The following PBX3 variants were observed in gnomAD, a reference collection of about 807,000 sequenced individuals.
PBX3 encodes PBX homeobox 3, also known as pre-B-cell leukemia transcription factor 3.
PBX3 carries 14 observed loss-of-function variants against 48.5 expected under a neutral mutation model. That is an observed-to-expected ratio of 0.29 (90% CI 0.19 to 0.45). PBX3 has a LOEUF of 0.45. PBX3 is among the 20% of genes least tolerant of loss of function. PBX3 has a pLI of 1.00. For synonymous variants in PBX3, 210 were observed against 200.3 expected (o/e 1.05, Z -0.41); for missense variants, 386 against 546.7 (o/e 0.71, Z 2.93).
At position 125,779,689 on chromosome 9, in the gene PBX3, T is replaced by C. The variant is rs1289351259; in HGVS notation, c.274+31066T>C. On this transcript the variant is annotated intron_variant, in intron 2 of 8. Transcript: ENST00000373489. ...TACACAGACACAGCAACCATCCGAT[T>C]TCTCAATCTTTTCCCCACCTTTTCC... 2.1e-5 allele frequency among the ~76,000 whole-genome samples: 3 copies of C among 141,566 alleles called. No individual in the cohort carries two copies. The South Asian group carries it at 6.8e-4, about 32-fold the overall frequency. 92.9% of individuals were successfully genotyped at this position (141,566 alleles called of 152,430 possible).
intron 2 of PBX3, among the ~76,000 whole-genome samples, chr9:125,791,074 C>T (rs535498595): frequency 6.6e-6 from 1 of 152,224 alleles, no homozygotes; most frequent in South Asian, 2.1e-4. Context: ...GCCACTACGC[C>T]TGGCTAATTT....
Position 125,798,191 on chromosome 9 carries a change from A to C in PBX3, c.274+49568A>C, listed in dbSNP as rs529348832. On this transcript the variant is annotated intron_variant, in intron 2 of 8. Transcript: ENST00000373489. ...AGGTACAAAGTTCACAGTAATTCTC[A>C]GATAGCTTAGTAATTACCCAGACAG... 5.3e-5 allele frequency among the ~76,000 whole-genome samples: 8 copies of C among 152,326 alleles called. No homozygotes were observed. In the South Asian group the frequency reaches 1.4e-3, roughly 28 times the overall value.
chr9:125,943,352 C>CAAAAAAAAAAAAAAA (rs60326557), intron 5 of PBX3, among the ~76,000 whole-genome samples: 15 of 60,880 alleles, frequency 2.5e-4, no homozygotes, highest in East Asian at 5.0e-4. Flanking sequence ...GAGACTGTCT[C>CAAAAAAAAAAAAAAA]AAAAAAAAAA....
chr9:125,818,439 A>C (rs147529954), intron 2 of PBX3, among the ~76,000 whole-genome samples: 1 of 151,094 alleles, frequency 6.6e-6, no homozygotes, highest in African/African-American at 2.4e-5. Flanking sequence ...GGTTCAATTG[A>C]TTCTCCTGTC....
chr9:125,947,719 C>G (rs1842096110), intron 5 of PBX3, among the ~76,000 whole-genome samples: 1 of 151,974 alleles, frequency 6.6e-6, no homozygotes, highest in Non-Finnish European at 1.5e-5. Flanking sequence ...ATTTAATACT[C>G]TAAGTAATAG....
intron 2 of PBX3, among the ~76,000 whole-genome samples, chr9:125,793,611 G>T (rs1837688198): frequency 6.6e-6 from 1 of 151,452 alleles, no homozygotes; most frequent in African/African-American, 2.4e-5. Flanking sequence ...CATACTTTTA[G>T]TAGAGACGGG....
chr9:125,956,312 C>T (rs60130295), intron 5 of PBX3, among the ~76,000 whole-genome samples: 1,666 of 152,318 alleles, frequency 0.011, 28 homozygotes, highest in African/African-American at 0.039. Context: ...TTATGTGATA[C>T]TTCCCACATC....
At chr9:125,852,312 C>G (rs1190564682) in intron 2 of PBX3, among the ~76,000 whole-genome samples, 1 of 152,134 alleles carries the variant, frequency 6.6e-6, no homozygotes, top group Non-Finnish European at 1.5e-5. Context: ...TGCTAGAATC[C>G]TAGGTCTTTG....
intron 2 of PBX3, among the ~76,000 whole-genome samples, chr9:125,785,155 G>A (rs1182725613): frequency 6.6e-6 from 1 of 152,130 alleles, no homozygotes; most frequent in Non-Finnish European, 1.5e-5. Flanking sequence ...ACAGACAAGC[G>A]CCTTGTGTCA....
At chr9:125,949,520 T>A (rs1379567532) in intron 5 of PBX3, 6 of 1,539,162 alleles carry the variant, frequency 3.9e-6, no homozygotes, top group African/African-American at 1.4e-5. Flanking sequence ...CTGATGGACC[T>A]ATACTGTGTA....
At chr9:125,784,418 C>T (rs112215882) in intron 2 of PBX3, among the ~76,000 whole-genome samples, 5,641 of 152,240 alleles carry the variant, frequency 0.037, 372 homozygotes, top group African/African-American at 0.13. Context: ...TGTGAGCCAC[C>T]GCACCCAGCC....
At chr9:125,834,190 T>C (rs1256529860) in intron 2 of PBX3, among the ~76,000 whole-genome samples, 1 of 152,112 alleles carries the variant, frequency 6.6e-6, no homozygotes, top group African/African-American at 2.4e-5. Flanking sequence ...TTATGAAGTA[T>C]TGACTGAAGT....
chr9:125,913,529 CT>C (rs1841254117), intron 2 of PBX3, among the ~76,000 whole-genome samples: 1 of 152,024 alleles, frequency 6.6e-6, no homozygotes, highest in Non-Finnish European at 1.5e-5. Flanking sequence ...AGTTTTGTGC[CT>C]TTTGCATTTG....
At position 125,747,601 on chromosome 9, in the gene PBX3, C is replaced by T. The variant is rs1836226993; in HGVS notation, c.148C>T (p.Leu50Phe). The T allele has an allele frequency of 5.6e-6, 9 of 1,608,336 alleles. No individual in the cohort carries two copies. Among genetic ancestry groups the T allele is most frequent in the Non-Finnish European group, 7.6e-6 (9 of 1,177,344 alleles). Residue 50 changes from leucine to phenylalanine, a missense_variant, in exon 1 of 9, where the codon CTC (leucine) becomes TTC (phenylalanine). Physicochemically the swap from Leu to Phe is conservative, Grantham distance 22 (BLOSUM62 0). This residue lies in a region of PBX3 where 116 missense variants were observed against 98.2 expected (regional missense o/e 1.18). Coordinates refer to ENST00000373489, the MANE Select transcript of PBX3 (RefSeq NM_006195.6). ...DGRKQDIGDI[L>F]HQIMTITDQS... ...CAGGAAGCAGGACATCGGCGACATC[C>T]TCCACCAGATCATGACCATCACCGA...
intron 2 of PBX3, among the ~76,000 whole-genome samples, chr9:125,775,193 CTTA>C (rs909811041): frequency 2.2e-4 from 34 of 152,136 alleles, no homozygotes; most frequent in African/African-American, 7.7e-4. Flanking sequence ...CTTATCAACA[CTTA>C]TTATTTTCCA....
chr9:125,789,122 G>A (rs1253470552), intron 2 of PBX3, among the ~76,000 whole-genome samples: 2 of 152,146 alleles, frequency 1.3e-5, no homozygotes, highest in Non-Finnish European at 2.9e-5. Context: ...TTTTCCTGCT[G>A]TATCGTATTC....
chr9:125,793,338 T>C (rs1837667172), intron 2 of PBX3, among the ~76,000 whole-genome samples: 1 of 123,418 alleles, frequency 8.1e-6, no homozygotes, highest in African/African-American at 3.3e-5. Flanking sequence ...GGTGACAGAG[T>C]GAGACTCCAT....
In PBX3 at chr9:125,747,487, G is replaced by A; in HGVS notation, c.34G>A (p.Ala12Thr). Reference sequence around the variant, plus strand: ...TCAATCCAGGATGCTGCAGACTCTGGCCGGGGTGAACCTGGCTGGCCACTC... The same window carrying A: ...TCAATCCAGGATGCTGCAGACTCTGACCGGGGTGAACCTGGCTGGCCACTC... Reference protein sequence around the residue: ...DDQSRMLQTLAGVNLAGHSVQ... With the variant: ...DDQSRMLQTLTGVNLAGHSVQ... Residue 12 changes from alanine to threonine, a missense_variant, in exon 1 of 9, where the codon GCC (alanine) becomes ACC (threonine). Physicochemically the swap from Ala to Thr is moderately conservative, Grantham distance 58. Around this residue, in one of 4 missense-constraint regions of PBX3, gnomAD observed 116 missense variants for 98.2 expected, o/e 1.18. Coordinates refer to ENST00000373489, the MANE Select transcript of PBX3 (RefSeq NM_006195.6). 1 of 1,582,358 alleles carries A rather than the reference G, an allele frequency of 6.3e-7. No individual in the cohort carries two copies. The highest frequency in any genetic ancestry group is 8.6e-7 in the Non-Finnish European group (1 of 1,166,034).
intron 2 of PBX3, among the ~76,000 whole-genome samples, chr9:125,818,773 G>A (rs1224786694): frequency 3.3e-5 from 5 of 151,986 alleles, no homozygotes; most frequent in African/African-American, 9.7e-5. Context: ...GATTACAGGC[G>A]TGAGCCACTG....
Sources: allele counts gnomAD v4.1 joint callset (sites outside exome capture counted in the v4.1 genomes callset), GRCh38; gene constraint gnomAD v4.1.1; regional missense constraint gnomAD v4.1.1; transcripts MANE v1.5; gene names NCBI Gene and HGNC (gene_info 2026-07-23, HGNC 2026-07-21).